Variants in TESC observed in about 807,000 individuals in gnomAD.
The protein encoded by TESC is calcineurin B homologous protein 3.
In TESC, 19 loss-of-function variants were observed where a neutral mutation model predicts 31.0. That is an observed-to-expected ratio of 0.61 (90% confidence interval 0.43 to 0.90). TESC has a LOEUF of 0.90. Ranked by LOEUF, TESC falls within the 40% of genes least tolerant of loss-of-function variation. The pLI, the probability that TESC is intolerant of heterozygous loss-of-function variation, is 0.00. For missense variants in TESC, 248 were observed against 303.8 expected (o/e 0.82, Z 1.36); for synonymous variants, 109 against 114.8 (o/e 0.95, Z 0.32).
intron 1 of TESC, among the ~76,000 whole-genome samples, chr12:117,086,076 C>T (rs1033484268): frequency 2.0e-5 from 3 of 151,996 alleles, no homozygotes; most frequent in Non-Finnish European, 4.4e-5. Flanking sequence ...ACATGAAATG[C>T]CCCAGACAGG....
chr12:117,041,036 G>A (rs1194158817), intron 7 of TESC, among the ~76,000 whole-genome samples: 1 of 152,146 alleles, frequency 6.6e-6, no homozygotes. Context: ...GGGGGATGGG[G>A]GGAGGGGGAT....
chr12:117,058,565 T>TAAAAAAAAAAAAAAAAAAAAAAAAAAAAA lies in TESC; in HGVS notation c.129-1680_129-1679insTTTTTTTTTTTTTTTTTTTTTTTTTTTTT, dbSNP rs10637829. Among the ~76,000 whole-genome samples the TAAAAAAAAAAAAAAAAAAAAAAAAAAAAA allele has an allele frequency of 1.8e-5, 2 of 113,332 alleles. 1 individual carries two copies. Among genetic ancestry groups the TAAAAAAAAAAAAAAAAAAAAAAAAAAAAA allele is most frequent in the African/African-American group, 6.5e-5 (2 of 30,770 alleles). 74.4% of individuals were successfully genotyped at this position (113,332 alleles called of 152,430 possible). On this transcript the variant is annotated intron_variant, in intron 2 of 7. Coordinates refer to ENST00000335209, the MANE Select transcript of TESC (RefSeq NM_017899.4). ...GTAAATTACATTTCAGTAAAGCTGT[T>TAAAAAAAAAAAAAAAAAAAAAAAAAAAAA]AAAAAAAAAAAAAAAAAAAGCCAGC...
chr12:117,088,406 C>T (rs2135800677), intron 1 of TESC, among the ~76,000 whole-genome samples: 1 of 152,280 alleles, frequency 6.6e-6, no homozygotes, highest in South Asian at 2.1e-4. Flanking sequence ...GTTGGCCGGG[C>T]ACAGTGGCTC....
chr12:117,054,514 G>A (rs994268797), intron 3 of TESC, among the ~76,000 whole-genome samples: 3 of 151,956 alleles, frequency 2.0e-5, no homozygotes, highest in African/African-American at 7.3e-5. Context: ...AGTTCCCATC[G>A]CCTGGAACCT....
At chr12:117,047,188 G>A (rs953101941) in intron 4 of TESC, among the ~76,000 whole-genome samples, 2 of 152,252 alleles carry the variant, frequency 1.3e-5, no homozygotes, top group African/African-American at 4.8e-5. Flanking sequence ...GTTAACACAA[G>A]TCAAACGGTG....
intron 2 of TESC, among the ~76,000 whole-genome samples, chr12:117,073,448 C>A (rs949125046): frequency 1.3e-5 from 2 of 152,080 alleles, no homozygotes; most frequent in Non-Finnish European, 2.9e-5. Flanking sequence ...CCAGAGGCCA[C>A]AAGAATCATG....
intron 1 of TESC, among the ~76,000 whole-genome samples, chr12:117,097,204 C>T (rs1469798855): frequency 6.6e-6 from 1 of 152,240 alleles, no homozygotes; most frequent in African/African-American, 2.4e-5. Context: ...CACCTGCCTA[C>T]TCTAGTCTAA....
At chr12:117,057,617 C>A (rs927556960) in intron 2 of TESC, among the ~76,000 whole-genome samples, 6 of 152,138 alleles carry the variant, frequency 3.9e-5, no homozygotes, top group Non-Finnish European at 8.8e-5. Context: ...GACAACCCAG[C>A]AACTCCACTC....
intron 1 of TESC, among the ~76,000 whole-genome samples, chr12:117,075,871 GTGTGTATATATATATATA>G (rs1955050466): frequency 2.2e-5 from 1 of 45,106 alleles, no homozygotes; most frequent in Admixed American, 3.9e-4. Flanking sequence ...ATATATATAT[GTGTGTATATATATATATA>G]TATATATATA....
intron 1 of TESC, among the ~76,000 whole-genome samples, chr12:117,075,941 GTATATATACA>G (rs1955066476): frequency 1.3e-4 from 7 of 55,140 alleles, no homozygotes; most frequent in African/African-American, 5.5e-4. Context: ...ATATATATAT[GTATATATACA>G]TATATATATA....
chr12:117,088,664 G>C (rs1955255645), intron 1 of TESC, among the ~76,000 whole-genome samples: 1 of 144,140 alleles, frequency 6.9e-6, no homozygotes, highest in African/African-American at 2.7e-5. Context: ...CTGGGCGACA[G>C]AGTGAGACTC....
chr12:117,099,371 C>G lies in TESC; in HGVS notation c.-89G>C, dbSNP rs980385570. 7.9e-6 allele frequency: 10 copies of G among 1,264,012 alleles called. No individual in the cohort carries two copies. Among genetic ancestry groups the G allele is most frequent in the African/African-American group, 1.6e-5 (1 of 63,610 alleles). The allele number at this position is 1,264,012 out of a possible 1,614,324, so 78.3% of individuals were successfully genotyped here. A position where few individuals can be genotyped will look rare whatever the true frequency, so the allele number is the denominator to read the frequency against. On this transcript the variant is annotated 5_prime_UTR_variant, in exon 1 of 8. Coordinates refer to ENST00000335209, the MANE Select transcript of TESC (RefSeq NM_017899.4). ...GCAGCGGCGGGACTGGCCTCGGGTCCGGCCTCGGGTCGGGACGCCGGCGAA... is the reference window on the plus strand; with the variant it reads ...GCAGCGGCGGGACTGGCCTCGGGTCGGGCCTCGGGTCGGGACGCCGGCGAA...
At chr12:117,039,270 G>T in intron 7 of TESC, 60 bp from the exon 8 acceptor site, 2 of 1,526,930 alleles carry the variant, frequency 1.3e-6, no homozygotes, top group East Asian at 2.4e-5. Context: ...ACCTGACCAG[G>T]CCCCCCGGTC....
At chr12:117,085,452 C>G (rs1434829135) in intron 1 of TESC, among the ~76,000 whole-genome samples, 1 of 152,148 alleles carries the variant, frequency 6.6e-6, no homozygotes, top group Non-Finnish European at 1.5e-5. Flanking sequence ...GGGCAAGGCC[C>G]CACTGGAAGA....
At chr12:117,069,693 A>G (rs1351958343) in intron 2 of TESC, among the ~76,000 whole-genome samples, 1 of 152,202 alleles carries the variant, frequency 6.6e-6, no homozygotes, top group East Asian at 1.9e-4. Context: ...CCCAACACAG[A>G]TAAGAAACGG....
chr12:117,039,059 G>A lies in TESC; in HGVS notation c.*74C>T, dbSNP rs530106177. 19 of 1,540,652 alleles carry A rather than the reference G, an allele frequency of 1.2e-5. No homozygotes were observed. In the African/African-American group the frequency reaches 1.9e-4, roughly 15 times the overall value. On this transcript the variant is annotated 3_prime_UTR_variant, in exon 8 of 8. Coordinates refer to ENST00000335209, the MANE Select transcript of TESC (RefSeq NM_017899.4). The stretch of plus-strand genomic sequence containing the variant: ...GCTGCAGGAAGAGGCTGTCCGCCGG[G>A]CCTGGGCTGCTCCAGCTACGCGGGG...
At chr12:117,072,286 G>A (rs1954985042) in intron 2 of TESC, among the ~76,000 whole-genome samples, 1 of 152,092 alleles carries the variant, frequency 6.6e-6, no homozygotes, top group Non-Finnish European at 1.5e-5. Flanking sequence ...CCCTAGAGAT[G>A]GGGTCTCACT....
At chr12:117,097,027 C>G (rs78694427) in intron 1 of TESC, among the ~76,000 whole-genome samples, 5,376 of 152,272 alleles carry the variant, frequency 0.035, 317 homozygotes, top group African/African-American at 0.12. Flanking sequence ...TAACACCTGT[C>G]GGGCGTTTTG....
intron 6 of TESC, among the ~76,000 whole-genome samples, chr12:117,043,208 C>G (rs1355059795): frequency 6.6e-6 from 1 of 151,894 alleles, no homozygotes; most frequent in Non-Finnish European, 1.5e-5. Flanking sequence ...TTATGTTTTG[C>G]ATACATCAAA....
Sources: allele counts gnomAD v4.1 joint callset (sites outside exome capture counted in the v4.1 genomes callset), GRCh38; gene constraint gnomAD v4.1.1; transcripts MANE v1.5; gene names NCBI Gene and HGNC (gene_info 2026-07-23, HGNC 2026-07-21).